Variants in NTRK2 observed in about 807,000 individuals in gnomAD.
The protein encoded by NTRK2 is neurotrophic receptor tyrosine kinase 2, also known as BDNF/NT-3 growth factors receptor.
NTRK2 carries 13 observed loss-of-function variants against 94.5 expected under a neutral mutation model. That is an observed-to-expected ratio of 0.14 (90% CI 0.09 to 0.22). NTRK2 has a LOEUF of 0.22. NTRK2 is among the 10% of genes least tolerant of loss of function. The pLI is 1.00. For synonymous variants in NTRK2, 372 were observed against 407.4 expected, an observed-to-expected ratio of 0.91 and a Z score of 1.05; for missense variants, 639 against 1,071.2, an observed-to-expected ratio of 0.60 and a Z score of 5.63.
In NTRK2 at chr9:84,813,049, C is replaced by T. The variant is rs376284384; in HGVS notation, c.1397-47991C>T. Reference sequence around the variant, plus strand: ...TCATCATTTTGCTTTTTATGTCTCCCATAAGAAATGTGCTTTTTAGAGCTT... The same window carrying T: ...TCATCATTTTGCTTTTTATGTCTCCTATAAGAAATGTGCTTTTTAGAGCTT... On this transcript the variant is annotated intron_variant, in intron 12 of 18. Coordinates refer to ENST00000277120, the MANE Select transcript of NTRK2 (RefSeq NM_006180.6). 5 of 1,037,838 alleles carry T rather than the reference C, an allele frequency of 4.8e-6. No homozygotes were observed. In the African/African-American group the frequency reaches 6.7e-5, roughly 14 times the overall value. 64.3% of individuals were successfully genotyped at this position (1,037,838 alleles called of 1,614,324 possible).
intron 7 of NTRK2, among the ~76,000 whole-genome samples, 195 bp from the exon 8 acceptor site, chr9:84,724,029 A>T (rs990102133): frequency 6.6e-6 from 1 of 152,190 alleles, no homozygotes; most frequent in South Asian, 2.1e-4. Context: ...AGTCAACCTC[A>T]TGCACTTAGC....
At chr9:84,960,951 C>T (rs748651162) in intron 17 of NTRK2, among the ~76,000 whole-genome samples, 4 of 152,036 alleles carry the variant, frequency 2.6e-5, no homozygotes, top group Admixed American at 6.6e-5. Flanking sequence ...CCTTTGTAGC[C>T]CTGCAGGTGA....
intron 17 of NTRK2, among the ~76,000 whole-genome samples, chr9:85,016,134 G>T (rs575807149): frequency 2.6e-5 from 4 of 152,258 alleles, no homozygotes; most frequent in Admixed American, 1.3e-4. Context: ...GCACTGAGGT[G>T]GTGGGTGATT....
intron 17 of NTRK2, among the ~76,000 whole-genome samples, chr9:85,000,063 A>G (rs1315405552): frequency 6.6e-6 from 1 of 152,184 alleles, no homozygotes; most frequent in African/African-American, 2.4e-5. Flanking sequence ...GTCACATCCC[A>G]CGTCCTCATT....
chr9:84,756,592 C>G (rs2065106961), intron 12 of NTRK2, among the ~76,000 whole-genome samples: 1 of 152,166 alleles, frequency 6.6e-6, no homozygotes, highest in East Asian at 1.9e-4. Context: ...ATATCTAATT[C>G]CTAAGTACTA....
intron 12 of NTRK2, among the ~76,000 whole-genome samples, chr9:84,820,580 AAT>A (rs1491528109): frequency 6.6e-6 from 1 of 152,200 alleles, no homozygotes; most frequent in African/African-American, 2.4e-5. Flanking sequence ...ACTTTTCGTT[AAT>A]TTTTTCAATA....
chr9:84,850,748 C>T (rs767798028), intron 12 of NTRK2, among the ~76,000 whole-genome samples: 19 of 152,196 alleles, frequency 1.2e-4, no homozygotes, highest in Non-Finnish European at 2.1e-4. Flanking sequence ...CTTTGTACTG[C>T]ATTACCCCTC....
At chr9:84,798,938 A>C (rs2070013194) in intron 12 of NTRK2, among the ~76,000 whole-genome samples, 1 of 119,644 alleles carries the variant, frequency 8.4e-6, no homozygotes, top group South Asian at 2.9e-4. Context: ...ATATATATAT[A>C]TATGCTTATT....
At chr9:84,767,602 C>G (rs1358745968) in intron 12 of NTRK2, among the ~76,000 whole-genome samples, 1 of 152,170 alleles carries the variant, frequency 6.6e-6, no homozygotes, top group Non-Finnish European at 1.5e-5. Context: ...CACATTTAGC[C>G]TAGGAATGAC....
At chr9:84,961,029 A>G (rs746530641) in intron 17 of NTRK2, among the ~76,000 whole-genome samples, 2 of 152,214 alleles carry the variant, frequency 1.3e-5, no homozygotes, top group Non-Finnish European at 2.9e-5. Flanking sequence ...TTCAAGAAGT[A>G]AAGCTAGGAA....
At chr9:84,864,986 G>T (rs1330246759) in intron 13 of NTRK2, among the ~76,000 whole-genome samples, 1 of 151,980 alleles carries the variant, frequency 6.6e-6, no homozygotes, top group African/African-American at 2.4e-5. Context: ...TGATCTGCCT[G>T]CCTCGGCCTC....
At chr9:84,842,133 T>C (rs2131798418) in intron 12 of NTRK2, among the ~76,000 whole-genome samples, 1 of 152,326 alleles carries the variant, frequency 6.6e-6, no homozygotes, top group African/African-American at 2.4e-5. Context: ...CAGCCAGTCT[T>C]GCATACCATT....
intron 14 of NTRK2, among the ~76,000 whole-genome samples, chr9:84,925,659 G>A (rs116884380): frequency 6.6e-4 from 101 of 152,216 alleles, no homozygotes; most frequent in East Asian, 1.5e-3. Context: ...GCTGAGCTGC[G>A]GACTTTTGAC....
chr9:84,876,484 C>T, intron 14 of NTRK2: 1 of 1,055,290 alleles, frequency 9.5e-7, no homozygotes, highest in Non-Finnish European at 1.1e-6. Context: ...CAGTCTACTA[C>T]TGAGGAATAG....
chr9:84,719,008 A>G (rs1471870557), intron 6 of NTRK2, among the ~76,000 whole-genome samples: 1 of 152,150 alleles, frequency 6.6e-6, no homozygotes, highest in Non-Finnish European at 1.5e-5. Flanking sequence ...GGGTGATACA[A>G]TTTCTCTATA....
At chr9:84,918,141 A>G (rs2077452900) in intron 14 of NTRK2, among the ~76,000 whole-genome samples, 1 of 152,222 alleles carries the variant, frequency 6.6e-6, no homozygotes, top group Admixed American at 6.5e-5. Flanking sequence ...AGAAAGGCAC[A>G]GTTTTCATTC....
chr9:84,793,260 G>A (rs1308743261), intron 12 of NTRK2, among the ~76,000 whole-genome samples: 1 of 150,648 alleles, frequency 6.6e-6, no homozygotes, highest in Non-Finnish European at 1.5e-5. Context: ...GAGAACAGAG[G>A]TGCCTGTGAC....
At chr9:84,698,386 TA>T (rs2060519027) in intron 2 of NTRK2, among the ~76,000 whole-genome samples, 2 of 27,786 alleles carry the variant, frequency 7.2e-5, no homozygotes, top group East Asian at 3.4e-3. Flanking sequence ...TTTAATCTAA[TA>T]TATATATATA....
chr9:84,971,788 G>A (rs1826215858), intron 17 of NTRK2, among the ~76,000 whole-genome samples: 3 of 152,140 alleles, frequency 2.0e-5, no homozygotes, highest in Non-Finnish European at 1.5e-5. Flanking sequence ...ATGGTTTGGT[G>A]GGCATAGATT....
Sources: gnomAD v4.1 joint callset for allele counts (sites outside exome capture counted in the v4.1 genomes callset) on GRCh38, gnomAD v4.1.1 for gene constraint, MANE v1.5 for transcripts, NCBI Gene and HGNC (gene_info 2026-07-23, HGNC 2026-07-21) for gene names.